The following DENND4A variants were observed in gnomAD, a reference collection of about 807,000 sequenced individuals.
DENND4A encodes C-myc promoter-binding protein.
A neutral mutation model predicts 199.3 loss-of-function variants in DENND4A; 70 were observed. The observed-to-expected ratio is 0.35, with a 90% confidence interval of 0.29 to 0.43. The LOEUF is 0.43. DENND4A is among the 20% of genes least tolerant of loss of function. DENND4A has a pLI of 1.00. For missense variants in DENND4A, 1,723 were observed against 2,255.8 expected, an observed-to-expected ratio of 0.76 and a Z score of 4.78; for synonymous variants, 686 against 766.9, an observed-to-expected ratio of 0.89 and a Z score of 1.74.
In DENND4A at chr15:65,789,496, T is replaced by A. The variant is rs547213621; in HGVS notation, c.-102+2514A>T. ...AATTCTACTGAATAAACAATCAATA[T>A]AGGGTATTAGATTAAAAAAAAAAAA... is the stretch of plus-strand genomic sequence containing the variant. On this transcript the variant is annotated intron_variant, in intron 1 of 32. Transcript: ENST00000443035. Among the ~76,000 whole-genome samples the A allele has an allele frequency of 7.6e-5, 11 of 145,474 alleles. No homozygotes were observed. The South Asian group carries it at 2.2e-3, about 30-fold the overall frequency.
At chr15:65,790,750 T>A (rs2077695091) in intron 1 of DENND4A, among the ~76,000 whole-genome samples, 1 of 152,234 alleles carries the variant, frequency 6.6e-6, no homozygotes, top group African/African-American at 2.4e-5. Flanking sequence ...CTCAGAAATT[T>A]TGTATACTTA....
intron 1 of DENND4A, among the ~76,000 whole-genome samples, chr15:65,783,182 C>T (rs2077477515): frequency 6.6e-6 from 1 of 152,100 alleles, no homozygotes; most frequent in African/African-American, 2.4e-5. Context: ...ACTCTAACAA[C>T]AAAAAGAACT....
In DENND4A at chr15:65,731,023, G is replaced by A. The variant is rs1406229265; in HGVS notation, c.1166+619C>T. ...AAACATTTGTCACTCTGGGCTGAGA[G>A]CTAGTGATGAAATAATCTGCAATTC... On this transcript the variant is annotated intron_variant, in intron 9 of 32. Coordinates refer to ENST00000443035, the MANE Select transcript of DENND4A (RefSeq NM_001320835.1). Among the ~76,000 whole-genome samples the A allele has an allele frequency of 2.0e-5, 3 of 152,024 alleles. No homozygotes were observed. In the East Asian group the frequency reaches 5.8e-4, roughly 29 times the overall value.
At chr15:65,720,947 T>TTACATATATATATATATATATATATA (rs2075607303) in intron 12 of DENND4A, among the ~76,000 whole-genome samples, 1 of 76,234 alleles carries the variant, frequency 1.3e-5, no homozygotes, top group East Asian at 2.3e-4. Context: ...GTTTCATTGA[T>TTACATATATATATATATATATATATA]TATATATATA....
chr15:65,679,046 T>C (rs922406513), intron 23 of DENND4A, among the ~76,000 whole-genome samples: 4 of 152,080 alleles, frequency 2.6e-5, no homozygotes, highest in African/African-American at 4.8e-5. Flanking sequence ...AGAATGCTGT[T>C]GGGTGGCACA....
chr15:65,775,858 G>T (rs1596680643), intron 1 of DENND4A, among the ~76,000 whole-genome samples: 1 of 152,062 alleles, frequency 6.6e-6, no homozygotes, highest in Non-Finnish European at 1.5e-5. Flanking sequence ...TAAGTTAAAT[G>T]GGGTAAAAAT....
At chr15:65,723,990 T>C (rs2075727009) in intron 11 of DENND4A, among the ~76,000 whole-genome samples, 1 of 151,396 alleles carries the variant, frequency 6.6e-6, no homozygotes. Flanking sequence ...GGGGTAGGAG[T>C]AGAAAAGAGC....
chr15:65,700,801 C>A (rs1432164416), intron 19 of DENND4A, 126 bp from the exon 20 acceptor site: 3 of 1,052,664 alleles, frequency 2.8e-6, no homozygotes, highest in Admixed American at 3.5e-5. Flanking sequence ...TAGCAAAATA[C>A]AACTATAACA....
Position 65,751,462 on chromosome 15 carries a change from C to T in DENND4A, c.561+917G>A, listed in dbSNP as rs555920636. Among the ~76,000 whole-genome samples the T allele has an allele frequency of 2.0e-5, 3 of 152,034 alleles. No homozygotes were observed. In the East Asian group the frequency reaches 5.8e-4, roughly 29 times the overall value. The stretch of plus-strand genomic sequence containing the variant: ...AGAAGGGATGATGAATTAGAGAAGT[C>T]CAGATTAGACAAATTTAGAAGTCAT... On this transcript the variant is annotated intron_variant, in intron 4 of 32. Coordinates refer to ENST00000443035, the MANE Select transcript of DENND4A (RefSeq NM_001320835.1).
chr15:65,755,303 T>C (rs144577515), intron 3 of DENND4A, among the ~76,000 whole-genome samples: 118 of 152,338 alleles, frequency 7.7e-4, no homozygotes, highest in African/African-American at 2.6e-3. Context: ...TCATAGAATT[T>C]ATTGTGGTGA....
intron 21 of DENND4A, 129 bp from the exon 22 acceptor site, chr15:65,696,626 A>G (rs1391160996): frequency 5.1e-6 from 3 of 589,272 alleles, no homozygotes; most frequent in East Asian, 3.2e-5. Flanking sequence ...GAACACCTCT[A>G]TATCTGTTTG....
Position 65,696,400 on chromosome 15 carries a change from G to A in DENND4A, c.3048C>T (p.Asn1016=), listed in dbSNP as rs1667144340. The A allele has an allele frequency of 6.2e-7, 1 of 1,612,386 alleles. No homozygotes were observed. The highest frequency in any genetic ancestry group is 1.1e-5 in the South Asian group (1 of 91,042). The stretch of plus-strand genomic sequence containing the variant: ...CTCCTGATATTTTACCAGCACTGTT[G>A]TTACTTGTACCAGTGAGGCGAACGA... ...SSIVRLTGTS[N]NSAGKISGES... is the part of the protein sequence containing the mutation. The change falls in exon 22 of 33, where the codon AAC becomes AAT. Residue 1016 remains asparagine (N), a synonymous_variant. Coordinates refer to ENST00000443035, the MANE Select transcript of DENND4A (RefSeq NM_001320835.1).
chr15:65,673,684 T>C (rs1001967469), intron 24 of DENND4A, among the ~76,000 whole-genome samples: 2 of 151,036 alleles, frequency 1.3e-5, no homozygotes, highest in African/African-American at 4.9e-5. Context: ...CCCTACCATG[T>C]AGAGACACCC....
At chr15:65,757,704 C>T (rs929285738) in intron 2 of DENND4A, among the ~76,000 whole-genome samples, 15 of 152,038 alleles carry the variant, frequency 9.9e-5, no homozygotes, top group Non-Finnish European at 1.6e-4. Flanking sequence ...TCAGGTTGGC[C>T]GAGCGCGGTG....
chr15:65,706,106 G>A lies in DENND4A; in HGVS notation c.2072C>T (p.Pro691Leu), dbSNP rs2075041217. The part of the protein sequence containing the change: ...EIPHLPNGEE[P>L]PLQYSYNGFP... ...TCTTGAATACCTGTACTGTAAAGGG[G>A]GTTCTTCACCATTGGGTAGGTGGGG... The change falls in exon 15 of 33, where the codon CCC (proline) becomes CTC (leucine). Residue 691 changes from proline (P) to leucine (L), a missense_variant. Physicochemically the swap from Pro to Leu is moderately conservative, Grantham distance 98. Coordinates refer to ENST00000443035, the MANE Select transcript of DENND4A (RefSeq NM_001320835.1). The A allele has an allele frequency of 6.3e-7, 1 of 1,599,522 alleles. No individual in the cohort carries two copies. The highest frequency in any genetic ancestry group is 8.5e-7 in the Non-Finnish European group (1 of 1,173,502).
At chr15:65,696,725 A>C in intron 21 of DENND4A, 1 of 302,318 alleles carries the variant, frequency 3.3e-6, no homozygotes, top group Non-Finnish European at 6.2e-6. Flanking sequence ...GTCCATGCAC[A>C]AATTTTATAT....
At chr15:65,707,103 T>C (rs899880862) in intron 14 of DENND4A, among the ~76,000 whole-genome samples, 4 of 152,168 alleles carry the variant, frequency 2.6e-5, no homozygotes, top group African/African-American at 9.7e-5. Flanking sequence ...TCAGCATATG[T>C]AGACGTATAT....
intron 12 of DENND4A, among the ~76,000 whole-genome samples, chr15:65,721,794 T>C (rs1450865565): frequency 6.6e-6 from 1 of 151,936 alleles, no homozygotes; most frequent in African/African-American, 2.4e-5. Context: ...ATACCACTAT[T>C]GACTGTACTT....
At chr15:65,697,162 TA>T in intron 21 of DENND4A, 104 bp downstream of exon 21, 1 of 692,778 alleles carries the variant, frequency 1.4e-6, no homozygotes, top group South Asian at 2.0e-5. Flanking sequence ...GAAAGAGTTA[TA>T]ATGGAAAAAT....
Sources: allele counts gnomAD v4.1 joint callset (sites outside exome capture counted in the v4.1 genomes callset), GRCh38; gene constraint gnomAD v4.1.1; transcripts MANE v1.5; gene names NCBI Gene and HGNC (gene_info 2026-07-23, HGNC 2026-07-21).